Variants in SIPA1L2 observed in about 807,000 individuals in gnomAD.
SIPA1L2 encodes the protein signal-induced proliferation-associated 1-like protein 2.
In SIPA1L2, 56 loss-of-function variants were observed where a neutral mutation model predicts 163.9. The ratio of observed to expected loss-of-function variants is 0.34; its 90% CI spans 0.28 to 0.43. SIPA1L2 has a LOEUF of 0.43. SIPA1L2 is among the 20% of genes least tolerant of loss of function. The pLI is 1.00. For synonymous variants in SIPA1L2, 877 were observed against 865.7 expected (o/e 1.01, Z -0.23); for missense variants, 1,974 against 2,193.5 (o/e 0.90, Z 2.00).
At chr1:232,605,476 C>T (rs974912561) in intron 1 of SIPA1L2, among the ~76,000 whole-genome samples, 1 of 152,210 alleles carries the variant, frequency 6.6e-6, no homozygotes, top group Non-Finnish European at 1.5e-5. Context: ...GGATGGATCA[C>T]CTGCGGTCAG....
chr1:232,407,975 A>C (rs1370124098), intron 19 of SIPA1L2, among the ~76,000 whole-genome samples: 2 of 152,130 alleles, frequency 1.3e-5, no homozygotes, highest in Non-Finnish European at 2.9e-5. Flanking sequence ...TACCATGTTT[A>C]ACGGGGGACG....
chr1:232,624,052 C>T (rs1285005965), intron 1 of SIPA1L2, among the ~76,000 whole-genome samples: 1 of 152,042 alleles, frequency 6.6e-6, no homozygotes, highest in Non-Finnish European at 1.5e-5. Context: ...AATATCTTAG[C>T]ACAGTAAAGT....
Position 232,514,941 on chromosome 1 carries a change from G to C in SIPA1L2, c.399C>G (p.Asp133Glu), listed in dbSNP as rs1248358286. 6.2e-7 allele frequency: 1 copy of C among 1,614,134 alleles called. No individual in the cohort carries two copies. The highest frequency in any genetic ancestry group is 8.5e-7 in the Non-Finnish European group (1 of 1,180,010). The stretch of plus-strand genomic sequence containing the variant: ...CGATTGTGTACTTGGCCTCCACGAA[G>C]TCCAGATCGAGCTGTTCATCTTGCT... ...EGQQDEQLDLDFVEAKYTIGD... is the reference protein window; with the variant it reads ...EGQQDEQLDLEFVEAKYTIGD... The change falls in exon 3 of 23, where the codon GAC (aspartate) becomes GAG (glutamate). Residue 133 changes from aspartate (D) to glutamate (E), a missense_variant. Asp to Glu is a conservative substitution (Grantham distance 45). Coordinates refer to ENST00000674635, the MANE Select transcript of SIPA1L2 (RefSeq NM_020808.5).
chr1:232,562,789 G>C (rs1048820592), intron 2 of SIPA1L2, among the ~76,000 whole-genome samples: 1 of 152,206 alleles, frequency 6.6e-6, no homozygotes, highest in Admixed American at 6.5e-5. Context: ...ACAGAGGACA[G>C]AGACCTACAA....
chr1:232,630,162 G>GC (rs1224272885), upstream of SIPA1L2, among the ~76,000 whole-genome samples: 2 of 151,400 alleles, frequency 1.3e-5, no homozygotes, highest in African/African-American at 2.4e-5. Flanking sequence ...GCCACCGCCC[G>GC]CCCGCCCAGC....
intron 2 of SIPA1L2, among the ~76,000 whole-genome samples, chr1:232,564,916 G>A (rs1438614514): frequency 6.6e-6 from 1 of 152,148 alleles, no homozygotes; most frequent in Non-Finnish European, 1.5e-5. Flanking sequence ...GGGGATGAGA[G>A]GAGGGAGAGC....
At chr1:232,403,648 T>C in intron 20 of SIPA1L2, 77 bp from the exon 21 acceptor site, 11 of 1,501,080 alleles carry the variant, frequency 7.3e-6, no homozygotes, top group Admixed American at 2.2e-5. Flanking sequence ...GGAAATGCAA[T>C]AGCTAAATAA....
At chr1:232,497,474 T>C (rs1030633546) in intron 3 of SIPA1L2, among the ~76,000 whole-genome samples, 1 of 152,120 alleles carries the variant, frequency 6.6e-6, no homozygotes, top group Non-Finnish European at 1.5e-5. Flanking sequence ...ATTCCTCAAG[T>C]CATCATCCTT....
intron 3 of SIPA1L2, among the ~76,000 whole-genome samples, chr1:232,498,456 T>G (rs1197881580): frequency 6.6e-6 from 1 of 152,216 alleles, no homozygotes; most frequent in Non-Finnish European, 1.5e-5. Flanking sequence ...ATTTCCAAAT[T>G]TCTAAAAACT....
intron 2 of SIPA1L2, among the ~76,000 whole-genome samples, chr1:232,561,748 A>T (rs1252702540): frequency 1.3e-5 from 2 of 152,208 alleles, no homozygotes; most frequent in Non-Finnish European, 2.9e-5. Flanking sequence ...CCAGGCTTTG[A>T]TGGGAATGGT....
chr1:232,553,231 C>T (rs754342002), intron 2 of SIPA1L2, among the ~76,000 whole-genome samples: 3 of 152,156 alleles, frequency 2.0e-5, no homozygotes, highest in Non-Finnish European at 4.4e-5. Context: ...GATCTCCTCC[C>T]CAACTGTCCC....
At chr1:232,615,805 A>G (rs1296902348) in intron 1 of SIPA1L2, among the ~76,000 whole-genome samples, 1 of 152,200 alleles carries the variant, frequency 6.6e-6, no homozygotes, top group East Asian at 1.9e-4. Context: ...GAGAAATATT[A>G]TTAGAAAATC....
intron 3 of SIPA1L2, among the ~76,000 whole-genome samples, chr1:232,512,890 G>A (rs1275398590): frequency 1.3e-5 from 2 of 152,220 alleles, no homozygotes; most frequent in African/African-American, 2.4e-5. Context: ...GAAAAAGGAG[G>A]AGGAGAGTAG....
intron 1 of SIPA1L2, among the ~76,000 whole-genome samples, chr1:232,594,041 G>A (rs977178723): frequency 2.0e-5 from 3 of 152,020 alleles, no homozygotes; most frequent in African/African-American, 7.2e-5. Context: ...ACCTGTCTCC[G>A]ACAAGCCTGA....
intron 6 of SIPA1L2, among the ~76,000 whole-genome samples, chr1:232,480,706 C>T (rs1213408236): frequency 6.6e-6 from 1 of 152,128 alleles, no homozygotes; most frequent in African/African-American, 2.4e-5. Flanking sequence ...TTGATCTATA[C>T]AGTCTTATTT....
intron 2 of SIPA1L2, among the ~76,000 whole-genome samples, chr1:232,522,500 CTTT>C (rs5781702): frequency 3.5e-5 from 5 of 144,118 alleles, no homozygotes; most frequent in Admixed American, 1.4e-4. Flanking sequence ...AGCATTGTGC[CTTT>C]TTTTTTTTTT....
intron 1 of SIPA1L2, among the ~76,000 whole-genome samples, chr1:232,594,001 G>A (rs1445218216): frequency 6.6e-6 from 1 of 152,094 alleles, no homozygotes; most frequent in Non-Finnish European, 1.5e-5. Context: ...TGCCCAAGCG[G>A]TGGGACCTCT....
At chr1:232,531,136 T>C (rs1275319952) in intron 2 of SIPA1L2, among the ~76,000 whole-genome samples, 1 of 152,218 alleles carries the variant, frequency 6.6e-6, no homozygotes, top group Non-Finnish European at 1.5e-5. Flanking sequence ...GATAAACTTA[T>C]ATGATAAGAA....
intron 2 of SIPA1L2, among the ~76,000 whole-genome samples, chr1:232,551,141 T>C (rs1320154701): frequency 6.6e-6 from 1 of 152,158 alleles, no homozygotes; most frequent in African/African-American, 2.4e-5. Flanking sequence ...AAGCAAACAG[T>C]AGGGCTGGTG....
Sources: gnomAD v4.1 joint callset for allele counts (sites outside exome capture counted in the v4.1 genomes callset) on GRCh38, gnomAD v4.1.1 for gene constraint, MANE v1.5 for transcripts, NCBI Gene and HGNC (gene_info 2026-07-23, HGNC 2026-07-21) for gene names.